CSMD3: variants seen among roughly 807,000 people sequenced by gnomAD.
CSMD3 encodes CUB and Sushi multiple domains 3.
In CSMD3, 177 loss-of-function variants were observed where a neutral mutation model predicts 435.2. That is an observed-to-expected ratio of 0.41 (90% CI 0.36 to 0.46). The LOEUF is 0.46. Among genes scored for constraint, CSMD3 ranks in the 20% least tolerant of loss-of-function variants. The probability of loss-of-function intolerance (pLI) is 0.34; values close to 1 mark genes in which losing one functional copy is unlikely to be tolerated. For missense variants in CSMD3, 4,265 were observed against 4,504.6 expected, an observed-to-expected ratio of 0.95 and a Z score of 1.52; for synonymous variants, 1,656 against 1,520.5, an observed-to-expected ratio of 1.09 and a Z score of -2.07.
intron 11 of CSMD3, among the ~76,000 whole-genome samples, chr8:112,858,624 G>A (rs940559857): frequency 6.6e-6 from 1 of 151,788 alleles, no homozygotes; most frequent in African/African-American, 2.4e-5. Context: ...ATATTTAGAT[G>A]TGTTACTCAT....
At chr8:113,064,752 AC>A (rs1324771173) in intron 5 of CSMD3, among the ~76,000 whole-genome samples, 1 of 152,206 alleles carries the variant, frequency 6.6e-6, no homozygotes, top group African/African-American at 2.4e-5. Flanking sequence ...TAAACATGCC[AC>A]AAATAACAAA....
At chr8:113,111,721 G>A (rs567323600) in intron 4 of CSMD3, among the ~76,000 whole-genome samples, 264 of 152,100 alleles carry the variant, frequency 1.7e-3, no homozygotes, top group African/African-American at 5.9e-3. Flanking sequence ...TCGCTTTGTC[G>A]CTCAGGCTGG....
At chr8:112,266,276 C>A (rs368347059) in intron 59 of CSMD3, among the ~76,000 whole-genome samples, 1 of 152,166 alleles carries the variant, frequency 6.6e-6, no homozygotes, top group Non-Finnish European at 1.5e-5. Context: ...GTGAACCTCT[C>A]TTTACTGATG....
rs140797947 is a variant in CSMD3 at position 112,920,742 on chromosome 8, T to G, written c.1633+885A>C. ...TACAAAGTCAGATGATTTTAATACATTTGAACTCCCATGTTAAAAATAAAA... is the reference window on the plus strand; with the variant it reads ...TACAAAGTCAGATGATTTTAATACAGTTGAACTCCCATGTTAAAAATAAAA... On this transcript the variant is annotated intron_variant, in intron 10 of 70. Transcript: ENST00000297405. 2.8e-3 allele frequency among the ~76,000 whole-genome samples: 433 copies of G among 151,980 alleles called. 3 individuals carry two copies. Among genetic ancestry groups the G allele is most frequent in the African/African-American group, 9.9e-3 (409 of 41,500 alleles).
rs1229986565 is a variant in CSMD3 at position 112,783,452 on chromosome 8, A to G, written c.1972+16710T>C. Among the ~76,000 whole-genome samples, 86 of 102,680 alleles carry G rather than the reference A, an allele frequency of 8.4e-4. 2 individuals carry two copies. The highest frequency in any genetic ancestry group is 2.2e-3 in the African/African-American group (59 of 26,554). 67.4% of individuals were successfully genotyped at this position (102,680 alleles called of 152,430 possible). ...AAGGAAGGAAGGAAGGAAGGAAGGAAGGAAGGAAGGAAGGAAGGAAGGAAG... is the reference window on the plus strand; with the variant it reads ...AAGGAAGGAAGGAAGGAAGGAAGGAGGGAAGGAAGGAAGGAAGGAAGGAAG... On this transcript the variant is annotated intron_variant, in intron 13 of 70. Coordinates refer to ENST00000297405, the MANE Select transcript of CSMD3 (RefSeq NM_198123.2).
At position 112,944,634 on chromosome 8, in the gene CSMD3, C is replaced by T. The variant is rs553884667; in HGVS notation, c.1508+3156G>A. 2.0e-5 allele frequency among the ~76,000 whole-genome samples: 3 copies of T among 151,794 alleles called. No individual in the cohort carries two copies. The South Asian group carries it at 6.2e-4, about 31-fold the overall frequency. On this transcript the variant is annotated intron_variant, in intron 9 of 70. Transcript: ENST00000297405. ...AAGTTGGTTTTCAACCTCTGTCATTCCACTGAAATCACTCTTGTCAACAAC... is the reference window on the plus strand; with the variant it reads ...AAGTTGGTTTTCAACCTCTGTCATTTCACTGAAATCACTCTTGTCAACAAC...
intron 1 of CSMD3, among the ~76,000 whole-genome samples, chr8:113,422,104 C>T (rs2094611593): frequency 6.6e-6 from 1 of 152,108 alleles, no homozygotes; most frequent in East Asian, 1.9e-4. Flanking sequence ...TGCCACTGTC[C>T]CCCTTCTCAT....
rs981132591 is a variant in CSMD3 at position 113,335,504 on chromosome 8, C to G, written c.179-20711G>C. Among the ~76,000 whole-genome samples, 23 of 143,054 alleles carry G rather than the reference C, an allele frequency of 1.6e-4. 1 individual carries two copies. Among genetic ancestry groups the G allele is most frequent in the South Asian group, 4.5e-4 (2 of 4,494 alleles). 93.8% of individuals were successfully genotyped at this position (143,054 alleles called of 152,430 possible). A position where few individuals can be genotyped will look rare whatever the true frequency, so the allele number is the denominator to read the frequency against. On this transcript the variant is annotated intron_variant, in intron 1 of 70. Coordinates refer to ENST00000297405, the MANE Select transcript of CSMD3 (RefSeq NM_198123.2). ...TTCAGCTCTTTTTCTATATTTACTA[C>G]TCCTTGCTCTGGATTTAGCTCTCCT...
intron 31 of CSMD3, among the ~76,000 whole-genome samples, chr8:112,484,703 T>C (rs1169445925): frequency 3.3e-5 from 5 of 151,674 alleles, no homozygotes; most frequent in Admixed American, 1.3e-4. Flanking sequence ...AAAATGCAGG[T>C]TGAGCATCCC....
intron 27 of CSMD3, among the ~76,000 whole-genome samples, chr8:112,537,820 A>T (rs1826275674): frequency 6.6e-6 from 1 of 152,050 alleles, no homozygotes; most frequent in Non-Finnish European, 1.5e-5. Context: ...CCTAATACCA[A>T]TTCTAATCAC....
chr8:113,384,252 C>T (rs1378402189), intron 1 of CSMD3, among the ~76,000 whole-genome samples: 1 of 152,098 alleles, frequency 6.6e-6, no homozygotes, highest in Non-Finnish European at 1.5e-5. Flanking sequence ...CACTTAGAAA[C>T]CCTAGCACCT....
At chr8:112,427,894 A>T (rs1168574803) in intron 32 of CSMD3, among the ~76,000 whole-genome samples, 2 of 152,150 alleles carry the variant, frequency 1.3e-5, no homozygotes, top group Admixed American at 1.3e-4. Context: ...CCTGTGTACA[A>T]ATCCTGTCCA....
chr8:112,996,603 C>G (rs2085662139), intron 6 of CSMD3, among the ~76,000 whole-genome samples: 1 of 151,556 alleles, frequency 6.6e-6, no homozygotes, highest in Non-Finnish European at 1.5e-5. Context: ...TTTGATATGG[C>G]TATCACTTAG....
intron 16 of CSMD3, among the ~76,000 whole-genome samples, chr8:112,679,036 A>T (rs1295014310): frequency 1.3e-5 from 2 of 151,162 alleles, no homozygotes; most frequent in Non-Finnish European, 2.9e-5. Context: ...TTCTCTATGT[A>T]AGTGGGAGTG....
intron 4 of CSMD3, among the ~76,000 whole-genome samples, chr8:113,120,548 G>A (rs1217611754): frequency 6.6e-6 from 1 of 152,138 alleles, no homozygotes; most frequent in Non-Finnish European, 1.5e-5. Context: ...AGCGTTTTAT[G>A]TATTTAGTAG....
intron 7 of CSMD3, among the ~76,000 whole-genome samples, chr8:112,964,685 G>C (rs2084353600): frequency 6.6e-6 from 1 of 151,798 alleles, no homozygotes; most frequent in Admixed American, 6.6e-5. Context: ...CCTCCTCAAT[G>C]AAAAATTTCT....
intron 13 of CSMD3, among the ~76,000 whole-genome samples, chr8:112,706,848 T>C (rs2076508699): frequency 6.6e-6 from 1 of 152,026 alleles, no homozygotes; most frequent in South Asian, 2.1e-4. Context: ...CTTAGGAGTT[T>C]ATAATCTAAT....
intron 9 of CSMD3, among the ~76,000 whole-genome samples, chr8:112,940,636 CT>C (rs1031445771): frequency 3.3e-4 from 50 of 151,816 alleles, no homozygotes; most frequent in African/African-American, 1.2e-3. Context: ...AGAAACAAAG[CT>C]TTTAAGATTT....
chr8:112,526,556 G>A (rs541634174), intron 27 of CSMD3, among the ~76,000 whole-genome samples: 2 of 151,856 alleles, frequency 1.3e-5, no homozygotes, highest in Non-Finnish European at 2.9e-5. Context: ...TGAATTTTGT[G>A]TATACAACAA....
Sources: gnomAD v4.1 joint callset for allele counts (sites outside exome capture counted in the v4.1 genomes callset) on GRCh38, gnomAD v4.1.1 for gene constraint, MANE v1.5 for transcripts, NCBI Gene and HGNC (gene_info 2026-07-23, HGNC 2026-07-21) for gene names.